The following SAMHD1 variants were observed in gnomAD, a reference collection of about 807,000 sequenced individuals.
SAMHD1 encodes SAM and HD domain containing deoxynucleoside triphosphate triphosphohydrolase 1.
In SAMHD1, 54 loss-of-function variants were observed where a neutral mutation model predicts 79.6. The observed-to-expected ratio is 0.68, with a 90% CI of 0.55 to 0.85. The LOEUF (loss-of-function observed/expected upper bound fraction) is 0.85. Among genes scored for constraint, SAMHD1 ranks in the 40% least tolerant of loss-of-function variants. The pLI is 0.00. For missense variants in SAMHD1, 663 were observed against 782.7 expected, an observed-to-expected ratio of 0.85 and a Z score of 1.82; for synonymous variants, 260 against 264.1, an observed-to-expected ratio of 0.98 and a Z score of 0.15.
At chr20:36,923,087 G>A (rs911229518) in intron 6 of SAMHD1, among the ~76,000 whole-genome samples, 2 of 152,040 alleles carry the variant, frequency 1.3e-5, no homozygotes, top group Non-Finnish European at 2.9e-5. Flanking sequence ...TGCAAGCTCC[G>A]CCTCCTGGGT....
chr20:36,912,899 T>G (rs1231813495), intron 9 of SAMHD1, among the ~76,000 whole-genome samples: 5 of 130,276 alleles, frequency 3.8e-5, no homozygotes, highest in African/African-American at 1.3e-4. Flanking sequence ...GTTTTTTTTT[T>G]TTTTTTTTTT....
At chr20:36,902,355 G>A (rs1320452464) in intron 13 of SAMHD1, among the ~76,000 whole-genome samples, 1 of 152,140 alleles carries the variant, frequency 6.6e-6, no homozygotes, top group Non-Finnish European at 1.5e-5. Context: ...GCTAATTTTT[G>A]TATTTTTAGT....
intron 1 of SAMHD1, among the ~76,000 whole-genome samples, chr20:36,947,685 T>A (rs1216304805): frequency 1.3e-5 from 2 of 152,022 alleles, no homozygotes; most frequent in Admixed American, 6.6e-5. Context: ...TTTATTTTCT[T>A]TGAGACAGGG....
Position 36,893,066 on chromosome 20 carries a change from C to G in SAMHD1, c.1747G>C (p.Asp583His). The G allele has an allele frequency of 6.2e-7, 1 of 1,612,758 alleles. No individual in the cohort carries two copies. Among genetic ancestry groups the G allele is most frequent in the Non-Finnish European group, 8.5e-7 (1 of 1,179,982 alleles). Residue 583 changes from aspartate to histidine, a missense_variant and splice_region_variant, in exon 16 of 16, where the codon GAT becomes CAT. Physicochemically the swap from Asp to His is moderately conservative, Grantham distance 81. Coordinates refer to ENST00000646673, the MANE Select transcript of SAMHD1 (RefSeq NM_015474.4). ...CADRNFTKPQ[D>H]GDVIAPLITP... ...ATGAGTGGGGCTATAACATCGCCAT[C>G]CTATTAGGAAGAGAGAGAAAAACAG...
chr20:36,943,962 C>T (rs950701069), intron 2 of SAMHD1, among the ~76,000 whole-genome samples: 3 of 150,588 alleles, frequency 2.0e-5, no homozygotes, highest in African/African-American at 7.3e-5. Flanking sequence ...CCTGTAGTCC[C>T]AGCTACTCAG....
At chr20:36,944,053 G>A (rs1330109689) in intron 2 of SAMHD1, among the ~76,000 whole-genome samples, 1 of 128,920 alleles carries the variant, frequency 7.8e-6, no homozygotes, top group African/African-American at 2.9e-5. Context: ...CCTCCAGCCT[G>A]AGTGACAGAG....
chr20:36,921,763 A>G (rs989325250), intron 6 of SAMHD1, among the ~76,000 whole-genome samples: 3 of 148,610 alleles, frequency 2.0e-5, no homozygotes, highest in Non-Finnish European at 3.0e-5. Flanking sequence ...ATCTTGGCTC[A>G]CTGCAACCTC....
intron 6 of SAMHD1, 22 bp downstream of exon 6, chr20:36,927,160 T>G: frequency 6.3e-7 from 1 of 1,585,928 alleles, no homozygotes; most frequent in Non-Finnish European, 8.7e-7. Context: ...TTTTATTGAC[T>G]ATTGACTGTA....
At chr20:36,897,235 G>C (rs950860080) in intron 15 of SAMHD1, among the ~76,000 whole-genome samples, 2 of 152,202 alleles carry the variant, frequency 1.3e-5, no homozygotes, top group African/African-American at 4.8e-5. Context: ...CTGTTGCCCT[G>C]CATGCCAATC....
At chr20:36,931,698 C>A (rs1337596563) in intron 4 of SAMHD1, among the ~76,000 whole-genome samples, 1 of 151,666 alleles carries the variant, frequency 6.6e-6, no homozygotes, top group Admixed American at 6.6e-5. Flanking sequence ...CATAGCAGCA[C>A]TACTCAAAAT....
At chr20:36,912,594 T>C in intron 9 of SAMHD1, 42 bp from the exon 10 acceptor site, 1 of 1,367,830 alleles carries the variant, frequency 7.3e-7, no homozygotes, top group Non-Finnish European at 1.0e-6. Context: ...GATCAGATTA[T>C]GTTAACGTTA....
chr20:36,919,128 C>A (rs571104416), intron 7 of SAMHD1, among the ~76,000 whole-genome samples: 49 of 152,180 alleles, frequency 3.2e-4, no homozygotes, highest in Middle Eastern at 3.4e-3. Context: ...AGAGTAAGAC[C>A]CTGTCTCTAA....
chr20:36,910,290 A>G (rs2148364295), intron 11 of SAMHD1, among the ~76,000 whole-genome samples: 1 of 151,716 alleles, frequency 6.6e-6, no homozygotes. Context: ...CAAATCAGCT[A>G]CTTGGCTGAG....
intron 4 of SAMHD1, among the ~76,000 whole-genome samples, chr20:36,932,578 C>T (rs55777348): frequency 0.2 from 30,115 of 150,308 alleles, 3,555 homozygotes; most frequent in African/African-American, 0.32. Flanking sequence ...CCACCATGCC[C>T]GGCTGGTTTT....
chr20:36,913,121 C>T (rs1160338128), intron 9 of SAMHD1, among the ~76,000 whole-genome samples: 2 of 149,900 alleles, frequency 1.3e-5, no homozygotes, highest in Non-Finnish European at 1.5e-5. Context: ...CTCAGTCTCC[C>T]GAGTGGCTGG....
intron 2 of SAMHD1, among the ~76,000 whole-genome samples, chr20:36,942,775 T>G (rs1333002515): frequency 6.6e-6 from 1 of 151,762 alleles, no homozygotes; most frequent in South Asian, 2.1e-4. Flanking sequence ...GCCTCCCGAG[T>G]AGCTGGGACT....
intron 15 of SAMHD1, chr20:36,893,927 A>C: frequency 2.5e-6 from 1 of 398,450 alleles, no homozygotes; most frequent in Non-Finnish European, 4.4e-6. Flanking sequence ...CTCTGGTGGG[A>C]GACTGGAGGT....
At chr20:36,922,031 T>C (rs1288584027) in intron 6 of SAMHD1, among the ~76,000 whole-genome samples, 1 of 152,128 alleles carries the variant, frequency 6.6e-6, no homozygotes, top group African/African-American at 2.4e-5. Context: ...AATGCATAGC[T>C]TGAATCCATG....
intron 15 of SAMHD1, chr20:36,893,513 T>C (rs1990132085): frequency 4.0e-6 from 1 of 250,820 alleles, no homozygotes; most frequent in Non-Finnish European, 7.6e-6. Context: ...AATTTAAATT[T>C]TTCTCTGCAT....
Sources: gnomAD v4.1 joint callset for allele counts (sites outside exome capture counted in the v4.1 genomes callset) on GRCh38, gnomAD v4.1.1 for gene constraint, MANE v1.5 for transcripts, NCBI Gene and HGNC (gene_info 2026-07-23, HGNC 2026-07-21) for gene names.